CDH13: variants seen among roughly 807,000 people sequenced by gnomAD.
CDH13 encodes the protein cadherin-13.
CDH13 carries 24 observed loss-of-function variants against 63.8 expected under a neutral mutation model. The observed-to-expected ratio is 0.38, with a 90% CI of 0.27 to 0.53. CDH13 has a LOEUF of 0.53. CDH13 is among the 20% of genes least tolerant of loss of function. The probability of loss-of-function intolerance (pLI) is 0.85; values close to 1 mark genes in which losing one functional copy is unlikely to be tolerated. For missense variants in CDH13, 1,049 were observed against 903.1 expected, an observed-to-expected ratio of 1.16 and a Z score of -2.07; for synonymous variants, 503 against 355.3, an observed-to-expected ratio of 1.42 and a Z score of -4.67.
chr16:82,948,573 A>G (rs1201265325), intron 2 of CDH13, among the ~76,000 whole-genome samples: 2 of 152,230 alleles, frequency 1.3e-5, no homozygotes, highest in Non-Finnish European at 2.9e-5. Flanking sequence ...TGGAAAGTGA[A>G]GGAAGAGTTC....
intron 7 of CDH13, among the ~76,000 whole-genome samples, chr16:83,600,808 C>T (rs139004930): frequency 4.2e-4 from 64 of 152,250 alleles, no homozygotes; most frequent in Non-Finnish European, 6.9e-4. Flanking sequence ...AGTTCACAGG[C>T]GGGTCTGGCT....
intron 4 of CDH13, among the ~76,000 whole-genome samples, chr16:83,174,838 GGA>G (rs775383298): frequency 6.6e-6 from 1 of 152,010 alleles, no homozygotes; most frequent in Non-Finnish European, 1.5e-5. Context: ...CAGTAAAGCA[GGA>G]GAGAGAGAGA....
chr16:83,346,557 C>T (rs1254121135), intron 6 of CDH13, among the ~76,000 whole-genome samples: 1 of 152,124 alleles, frequency 6.6e-6, no homozygotes, highest in African/African-American at 2.4e-5. Context: ...AATGACAGTG[C>T]TTACATTCGG....
rs182663135 is a variant in CDH13, at chr16:83,162,865, A to T, written c.483+37364A>T. Among the ~76,000 whole-genome samples, 32 of 152,202 alleles carry T rather than the reference A, an allele frequency of 2.1e-4. No homozygotes were observed. In the South Asian group the frequency reaches 2.3e-3, roughly 11 times the overall value. On this transcript the variant is annotated intron_variant, in intron 4 of 13. Transcript: ENST00000567109. ...TATAGCTGGATTGGGGACTGTTGAG[A>T]TGCCTAAATCCCCAACTTGTAGAGC...
chr16:83,714,100 C>T (rs1598557129), intron 10 of CDH13, among the ~76,000 whole-genome samples: 1 of 152,162 alleles, frequency 6.6e-6, no homozygotes, highest in Non-Finnish European at 1.5e-5. Flanking sequence ...GGGGGGGCTG[C>T]CCTACGCCAA....
chr16:83,084,727 A>G (rs1022433138), intron 3 of CDH13, among the ~76,000 whole-genome samples: 6 of 152,222 alleles, frequency 3.9e-5, no homozygotes, highest in Admixed American at 3.9e-4. Flanking sequence ...CGCCTCTACT[A>G]AAAATATAAA....
chr16:83,418,627 T>C (rs1196832786), intron 6 of CDH13, among the ~76,000 whole-genome samples: 1 of 152,150 alleles, frequency 6.6e-6, no homozygotes, highest in Non-Finnish European at 1.5e-5. Context: ...AGAACTCCTT[T>C]GATGAGGAAG....
At chr16:83,529,599 CTG>C (rs1164698670) in intron 7 of CDH13, among the ~76,000 whole-genome samples, 2 of 152,086 alleles carry the variant, frequency 1.3e-5, no homozygotes, top group African/African-American at 2.4e-5. Context: ...TAAAAATTCC[CTG>C]TGTGTGTTTT....
intron 1 of CDH13, among the ~76,000 whole-genome samples, chr16:82,857,557 C>G (rs17740830): frequency 6.6e-6 from 1 of 152,110 alleles, no homozygotes; most frequent in African/African-American, 2.4e-5. Context: ...TTCCAAATCA[C>G]GTAACCTAAA....
intron 7 of CDH13, among the ~76,000 whole-genome samples, chr16:83,539,957 C>T (rs1044092572): frequency 5.9e-5 from 9 of 152,190 alleles, no homozygotes; most frequent in African/African-American, 1.9e-4. Context: ...TGGTGGAACT[C>T]ATTCTTTGAC....
In CDH13 at chr16:83,032,177, C is replaced by A. The variant is rs1310620751; in HGVS notation, c.325C>A (p.Leu109Ile). 2.5e-6 allele frequency: 4 copies of A among 1,613,704 alleles called. No homozygotes were observed. Among genetic ancestry groups the A allele is most frequent in the African/African-American group, 1.3e-5 (1 of 75,022 alleles). ...RTPHAEDMAELVIVGGKDIQG... is the reference protein window; with the variant it reads ...RTPHAEDMAEIVIVGGKDIQG... Reference sequence around the variant, plus strand: ...CCCCCATGCGGAAGATATGGCAGAACTCGTGATTGTCGGGGGGAAAGACAT... The same window carrying A: ...CCCCCATGCGGAAGATATGGCAGAAATCGTGATTGTCGGGGGGAAAGACAT... The change falls in exon 3 of 14, where the codon CTC becomes ATC. Residue 109 changes from leucine to isoleucine, a missense_variant. Transcript: ENST00000567109.
At chr16:83,593,216 G>A (rs1347442461) in intron 7 of CDH13, among the ~76,000 whole-genome samples, 3 of 152,186 alleles carry the variant, frequency 2.0e-5, no homozygotes, top group East Asian at 1.9e-4. Context: ...AAGAGGAAAC[G>A]AATGAATGAA....
At chr16:83,755,748 G>A (rs1412606609) in intron 11 of CDH13, among the ~76,000 whole-genome samples, 5 of 123,978 alleles carry the variant, frequency 4.0e-5, no homozygotes, top group Non-Finnish European at 9.0e-5. Context: ...AGACTTTTGG[G>A]GCAAAAAAAA....
In CDH13 at chr16:83,121,489, G is replaced by A. The variant is rs371276393; in HGVS notation, c.367-3896G>A. 2.0e-4 allele frequency among the ~76,000 whole-genome samples: 31 copies of A among 152,304 alleles called. No individual in the cohort carries two copies. The East Asian group carries it at 3.7e-3, about 18-fold the overall frequency. Reference sequence around the variant, plus strand: ...GTGCCCAGCACATTGGCCAGCATACGCTTGCTGTATCATTATTATAGTAGT... The same window carrying A: ...GTGCCCAGCACATTGGCCAGCATACACTTGCTGTATCATTATTATAGTAGT... On this transcript the variant is annotated intron_variant, in intron 3 of 13. Coordinates refer to ENST00000567109, the MANE Select transcript of CDH13 (RefSeq NM_001257.5).
intron 3 of CDH13, among the ~76,000 whole-genome samples, chr16:83,106,353 C>A (rs531390417): frequency 6.6e-6 from 1 of 152,094 alleles, no homozygotes; most frequent in East Asian, 1.9e-4. Flanking sequence ...GCCTGGCCAA[C>A]GTTGTGAAAC....
intron 11 of CDH13, among the ~76,000 whole-genome samples, chr16:83,762,625 G>A (rs891744876): frequency 1.3e-5 from 2 of 152,278 alleles, no homozygotes; most frequent in East Asian, 1.9e-4. Context: ...TAAGGGTTCT[G>A]GAATCCCACT....
intron 8 of CDH13, among the ~76,000 whole-genome samples, chr16:83,625,878 G>A (rs973696743): frequency 6.6e-6 from 1 of 152,324 alleles, no homozygotes; most frequent in South Asian, 2.1e-4. Context: ...AGAGACAAAT[G>A]CAAGCAATAG....
chr16:82,858,493 G>T lies in CDH13; in HGVS notation c.157+20G>T. On this transcript the variant is annotated intron_variant, in intron 2 of 13. Transcript: ENST00000567109. ...TAAACTGTAAGCAATGTCACTCAAA[G>T]ATGCTTTTAGACTCTTCTCATATTT... 1 of 1,387,796 alleles carries T rather than the reference G, an allele frequency of 7.2e-7. No individual in the cohort carries two copies. Among genetic ancestry groups the T allele is most frequent in the South Asian group, 1.2e-5 (1 of 86,384 alleles). 86.0% of individuals were successfully genotyped at this position (1,387,796 alleles called of 1,614,324 possible).
chr16:82,815,395 G>A (rs9923912), intron 1 of CDH13, among the ~76,000 whole-genome samples: 58,689 of 151,758 alleles, frequency 0.39, 12,136 homozygotes, highest in African/African-American at 0.54. Context: ...TAAGGTGGTT[G>A]TGAGGATTAC....
Sources: allele counts gnomAD v4.1 joint callset (sites outside exome capture counted in the v4.1 genomes callset), GRCh38; gene constraint gnomAD v4.1.1; transcripts MANE v1.5; gene names NCBI Gene and HGNC (gene_info 2026-07-23, HGNC 2026-07-21).